STAC: variants seen among roughly 807,000 people sequenced by gnomAD.
STAC encodes the protein SH3 and cysteine-rich domain-containing protein.
A neutral mutation model predicts 48.8 loss-of-function variants in STAC; 43 were observed. The observed-to-expected ratio is 0.88, with a 90% CI of 0.69 to 1.14. STAC has a LOEUF of 1.14. STAC is among the 50% of genes most tolerant of loss of function. The pLI is 0.00. For synonymous variants in STAC, 193 were observed against 179.5 expected (o/e 1.07, Z -0.60); for missense variants, 497 against 504.0 (o/e 0.99, Z 0.13).
intron 1 of STAC, among the ~76,000 whole-genome samples, chr3:36,441,071 C>T (rs573898263): frequency 2.0e-5 from 3 of 152,256 alleles, no homozygotes; most frequent in South Asian, 2.1e-4. Flanking sequence ...TAACATCAAA[C>T]ATTTATCATT....
intron 2 of STAC, among the ~76,000 whole-genome samples, chr3:36,445,890 A>G (rs1696495682): frequency 6.6e-6 from 1 of 152,190 alleles, no homozygotes; most frequent in African/African-American, 2.4e-5. Flanking sequence ...TAAAAATAAA[A>G]TGAACCTGAC....
chr3:36,520,485 A>G (rs1698774495), intron 8 of STAC, among the ~76,000 whole-genome samples: 1 of 152,180 alleles, frequency 6.6e-6, no homozygotes. Flanking sequence ...TGACTTGTGT[A>G]CATTCTAATG....
chr3:36,380,781 A>G, intron 1 of STAC, 27 bp downstream of exon 1: 2 of 1,553,926 alleles, frequency 1.3e-6, no homozygotes, highest in Non-Finnish European at 1.8e-6. Flanking sequence ...CCCCCAAGAG[A>G]ACACAAACTC....
At chr3:36,400,677 A>G (rs1204732686) in intron 1 of STAC, among the ~76,000 whole-genome samples, 1 of 152,102 alleles carries the variant, frequency 6.6e-6, no homozygotes, top group East Asian at 1.9e-4. Context: ...ACTGGGAGAG[A>G]GCTGAGATTT....
intron 10 of STAC, among the ~76,000 whole-genome samples, chr3:36,534,156 C>T (rs996762552): frequency 1.4e-4 from 21 of 152,176 alleles, no homozygotes; most frequent in Admixed American, 5.9e-4. Flanking sequence ...TAGTGTCATA[C>T]AGAAATGGAT....
intron 10 of STAC, among the ~76,000 whole-genome samples, chr3:36,544,676 G>A (rs1025819280): frequency 4.6e-5 from 7 of 152,014 alleles, no homozygotes; most frequent in Admixed American, 2.0e-4. Context: ...CTTGCAGAAC[G>A]TGCACGTTTG....
At chr3:36,493,085 A>G in intron 5 of STAC, 66 bp from the exon 6 acceptor site, 1 of 1,486,950 alleles carries the variant, frequency 6.7e-7, no homozygotes, top group Non-Finnish European at 9.3e-7. Context: ...CTTACACCAA[A>G]GTATCTGCTC....
chr3:36,522,236 A>T (rs1380926044), intron 8 of STAC, among the ~76,000 whole-genome samples: 2 of 152,098 alleles, frequency 1.3e-5, no homozygotes, highest in African/African-American at 4.8e-5. Flanking sequence ...TCAGTTCTAT[A>T]TTTGTTTGTC....
intron 5 of STAC, among the ~76,000 whole-genome samples, 193 bp from the exon 6 acceptor site, chr3:36,492,958 G>T (rs895601440): frequency 2.6e-5 from 4 of 152,154 alleles, no homozygotes; most frequent in Admixed American, 2.6e-4. Flanking sequence ...GCCTGCTATA[G>T]ACACCTGAAG....
chr3:36,473,916 C>T (rs969836321), intron 2 of STAC, among the ~76,000 whole-genome samples: 2 of 151,908 alleles, frequency 1.3e-5, no homozygotes, highest in Non-Finnish European at 2.9e-5. Context: ...AAAATAAGCC[C>T]CTGAATAGGT....
At position 36,547,239 on chromosome 3, in the gene STAC, G is replaced by A. The variant is rs1184374348; in HGVS notation, c.*950G>A. On this transcript the variant is annotated 3_prime_UTR_variant, in exon 11 of 11. Coordinates refer to ENST00000273183, the MANE Select transcript of STAC (RefSeq NM_003149.3). ...TGTCCTATAGGACTCCACTTTGAAG[G>A]TTGTGCCTACGTTGCAGGGAACTAG... 6.6e-6 allele frequency: 1 copy of A among 152,352 alleles called. No individual in the cohort carries two copies. Among genetic ancestry groups the A allele is most frequent in the Non-Finnish European group, 1.5e-5 (1 of 68,034 alleles). The allele number at this position is 152,352 out of a possible 1,614,324, so 9.4% of individuals were successfully genotyped here.
At chr3:36,458,583 G>A (rs558502043) in intron 2 of STAC, among the ~76,000 whole-genome samples, 16 of 152,254 alleles carry the variant, frequency 1.1e-4, no homozygotes, top group African/African-American at 3.6e-4. Context: ...CTGCGTGAAG[G>A]AACAGTGTGA....
intron 10 of STAC, among the ~76,000 whole-genome samples, chr3:36,531,970 T>C (rs576808278): frequency 6.6e-6 from 1 of 152,302 alleles, no homozygotes; most frequent in Admixed American, 6.5e-5. Flanking sequence ...CATGGTATAT[T>C]TTACAAAAAT....
rs144959929 is a variant in STAC at position 36,528,850 on chromosome 3, G to T, written c.975G>T (p.Gly325=). Reference sequence around the variant, plus strand: ...GCATGCCTCCTTTTTCCTTTCAGGGGAAAATTCAAGACAGAATTGGCTTCT... The same window carrying T: ...GCATGCCTCCTTTTTCCTTTCAGGGTAAAATTCAAGACAGAATTGGCTTCT... ...LEDSNEDWWK[G]KIQDRIGFFP... The change falls in exon 10 of 11, where the codon GGG becomes GGT. Residue 325 remains glycine, a splice_region_variant and synonymous_variant. Coordinates refer to ENST00000273183, the MANE Select transcript of STAC (RefSeq NM_003149.3). 312 of 1,611,456 alleles carry T rather than the reference G, an allele frequency of 1.9e-4. 1 individual carries two copies. The highest frequency in any genetic ancestry group is 1.3e-3 in the African/African-American group (97 of 74,836).
chr3:36,427,381 T>C (rs541295672), intron 1 of STAC, among the ~76,000 whole-genome samples: 20 of 152,324 alleles, frequency 1.3e-4, no homozygotes, highest in African/African-American at 3.6e-4. Flanking sequence ...CAGTGTCCCC[T>C]CTGGGCCAGC....
rs574643733 is a variant in STAC, at chr3:36,547,462, C to G, written c.*1173C>G. The G allele has an allele frequency of 6.5e-6, 1 of 152,740 alleles. No homozygotes were observed. The highest frequency in any genetic ancestry group is 1.9e-4 in the East Asian group (1 of 5,186). The allele number at this position is 152,740 out of a possible 1,614,324, so 9.5% of individuals were successfully genotyped here. A position where few individuals can be genotyped will look rare whatever the true frequency, so the allele number is the denominator to read the frequency against. On this transcript the variant is annotated 3_prime_UTR_variant, in exon 11 of 11. Coordinates refer to ENST00000273183, the MANE Select transcript of STAC (RefSeq NM_003149.3). ...GAATCTCTATTACTCTGTACTTATA[C>G]TAATGTTTACAAGAATGCAATATAC...
chr3:36,401,921 T>G (rs1700005466), intron 1 of STAC, among the ~76,000 whole-genome samples: 1 of 152,242 alleles, frequency 6.6e-6, no homozygotes, highest in South Asian at 2.1e-4. Flanking sequence ...ACATTTCACT[T>G]GGACTTGCTG....
At chr3:36,461,782 G>A (rs755069772) in intron 2 of STAC, among the ~76,000 whole-genome samples, 3 of 152,052 alleles carry the variant, frequency 2.0e-5, no homozygotes, top group Non-Finnish European at 4.4e-5. Flanking sequence ...GAGCATACTT[G>A]GTGTCTTTAA....
At chr3:36,529,902 A>T (rs1699023884) in intron 10 of STAC, among the ~76,000 whole-genome samples, 1 of 152,154 alleles carries the variant, frequency 6.6e-6, no homozygotes, top group South Asian at 2.1e-4. Context: ...AGGGCAGATC[A>T]CGAGGTCAAG....
Sources: allele counts gnomAD v4.1 joint callset (sites outside exome capture counted in the v4.1 genomes callset), GRCh38; gene constraint gnomAD v4.1.1; transcripts MANE v1.5; gene names NCBI Gene and HGNC (gene_info 2026-07-23, HGNC 2026-07-21).